Variants in DST observed in about 807,000 individuals in gnomAD.
The protein encoded by DST is dystonin, also known as bullous pemphigoid antigen.
Under a neutral mutation model 875.2 loss-of-function variants are expected in DST, and 253 were observed. The ratio of observed to expected loss-of-function variants is 0.29; its 90% CI spans 0.26 to 0.32. The LOEUF (loss-of-function observed/expected upper bound fraction) is 0.32. Ranked by LOEUF, DST falls within the 10% of genes least tolerant of loss-of-function variation. The probability of loss-of-function intolerance (pLI) is 1.00; values close to 1 mark genes in which losing one functional copy is unlikely to be tolerated. For synonymous variants in DST, 3,124 were observed against 3,197.1 expected, an observed-to-expected ratio of 0.98 and a Z score of 0.77; for missense variants, 8,287 against 9,111.6, an observed-to-expected ratio of 0.91 and a Z score of 3.68.
chr6:56,694,335 T>C (rs1281022962), intron 9 of DST, among the ~76,000 whole-genome samples: 2 of 152,052 alleles, frequency 1.3e-5, no homozygotes, highest in African/African-American at 4.8e-5. Flanking sequence ...GATCAAAAGA[T>C]GGAACTCATT....
chr6:56,598,506 CACA>C lies in DST; in HGVS notation c.11895_11897del (p.Val3966del). 2 of 1,582,704 alleles carry C rather than the reference CACA, an allele frequency of 1.3e-6. No homozygotes were observed. Among genetic ancestry groups the C allele is most frequent in the Non-Finnish European group, 1.7e-6 (2 of 1,164,168 alleles). ...CAGTTTCTTCCTTGATTGCTGTTGT[CACA>C]ACTTTATCCAGCTCCTTTTTAGACT... On this transcript the variant is annotated inframe_deletion, in exon 46 of 104. Coordinates refer to ENST00000680361, the MANE Select transcript of DST (RefSeq NM_001374736.1).
At position 56,642,213 on chromosome 6, in the gene DST, C is replaced by T; in HGVS notation, c.1873-112G>A. On this transcript the variant is annotated intron_variant, in intron 16 of 103. Coordinates refer to ENST00000680361, the MANE Select transcript of DST (RefSeq NM_001374736.1). ...GCCTACTTGGGCTTTCTTTAGTTTT[C>T]CTTGTTGGTTCAAAAATATGTTTTC... 1.1e-5 allele frequency: 11 copies of T among 987,002 alleles called. No homozygotes were observed. In the South Asian group the frequency reaches 1.4e-4, roughly 13 times the overall value. 61.1% of individuals were successfully genotyped at this position (987,002 alleles called of 1,614,324 possible).
chr6:56,926,890 C>G (rs1807463031), intron 2 of DST, among the ~76,000 whole-genome samples: 2 of 152,098 alleles, frequency 1.3e-5, no homozygotes, highest in Admixed American at 6.6e-5. Flanking sequence ...GCACCAGGAC[C>G]CAAGATTCTG....
At chr6:56,547,122 G>A (rs1394757207) in intron 61 of DST, among the ~76,000 whole-genome samples, 3 of 152,194 alleles carry the variant, frequency 2.0e-5, no homozygotes, top group African/African-American at 7.2e-5. Context: ...ATGTTGCAAA[G>A]TTCCCTTTTG....
intron 36 of DST, chr6:56,615,292 A>G: frequency 1.5e-6 from 2 of 1,346,464 alleles, no homozygotes; most frequent in South Asian, 3.5e-5. Context: ...AGTTTCAAAA[A>G]ACCATTCTCA....
chr6:56,787,001 T>C (rs2099706768), intron 4 of DST, among the ~76,000 whole-genome samples: 1 of 152,228 alleles, frequency 6.6e-6, no homozygotes, highest in Non-Finnish European at 1.5e-5. Flanking sequence ...ATTCACAGGA[T>C]TATTAGTCAC....
intron 4 of DST, among the ~76,000 whole-genome samples, chr6:56,820,257 AAC>A (rs2099771519): frequency 6.6e-6 from 1 of 152,234 alleles, no homozygotes; most frequent in Non-Finnish European, 1.5e-5. Flanking sequence ...ATTCACAGAA[AAC>A]ACTTATACTA....
At chr6:56,850,244 G>C (rs984447844) in intron 4 of DST, among the ~76,000 whole-genome samples, 3 of 152,138 alleles carry the variant, frequency 2.0e-5, no homozygotes, top group South Asian at 2.1e-4. Flanking sequence ...ACCCTGACTA[G>C]AGAATGGCTG....
intron 27 of DST, among the ~76,000 whole-genome samples, chr6:56,633,329 C>A (rs1477102772): frequency 1.3e-5 from 2 of 149,348 alleles, no homozygotes; most frequent in Non-Finnish European, 3.0e-5. Flanking sequence ...CGGGTTCACG[C>A]CATTCTCCTG....
At chr6:56,611,463 A>G in intron 38 of DST, 45 bp downstream of exon 38, 1 of 1,374,414 alleles carries the variant, frequency 7.3e-7, no homozygotes, top group South Asian at 1.2e-5. Context: ...GCTTTTAAGA[A>G]TACTTCCCCA....
At chr6:56,492,681 CA>C (rs2095790721) in intron 84 of DST, among the ~76,000 whole-genome samples, 1 of 152,016 alleles carries the variant, frequency 6.6e-6, no homozygotes, top group African/African-American at 2.4e-5. Context: ...ACTAGCCTGG[CA>C]AACATGCTGA....
intron 65 of DST, 47 bp downstream of exon 65, chr6:56,529,927 C>A (rs768154819): frequency 1.3e-6 from 2 of 1,599,680 alleles, no homozygotes; most frequent in Admixed American, 1.7e-5. Flanking sequence ...TGTCACAAAA[C>A]CACACAATAA....
chr6:56,484,797 C>T (rs1362422810), intron 88 of DST: 1 of 152,706 alleles, frequency 6.5e-6, no homozygotes, highest in African/African-American at 2.4e-5. Flanking sequence ...AATCAAATCC[C>T]TTATAGCATA....
intron 4 of DST, among the ~76,000 whole-genome samples, chr6:56,833,967 C>T (rs1490370541): frequency 3.3e-5 from 5 of 151,466 alleles, no homozygotes; most frequent in African/African-American, 1.2e-4. Context: ...TGGCTCATAC[C>T]TGTAAATCCC....
At chr6:56,812,109 AAAAAG>A (rs745473203) in intron 4 of DST, among the ~76,000 whole-genome samples, 1,694 of 111,764 alleles carry the variant, frequency 0.015, 28 homozygotes, top group African/African-American at 0.039. Context: ...CTCAAAAAAA[AAAAAG>A]AAAAGAAAAG....
At chr6:56,534,486 C>T (rs77182286) in intron 63 of DST, among the ~76,000 whole-genome samples, 2,400 of 152,194 alleles carry the variant, frequency 0.016, 20 homozygotes, top group Non-Finnish European at 0.021. Context: ...CAAATTGGCC[C>T]CACTTTAGTA....
At chr6:56,642,567 G>A (rs575046664) in intron 15 of DST, 64 bp from the exon 16 acceptor site, 3 of 1,610,238 alleles carry the variant, frequency 1.9e-6, no homozygotes, top group Non-Finnish European at 1.7e-6. Context: ...CACCATTCCT[G>A]AAAAGTGCTG....
At chr6:56,574,848 T>G (rs1210705677) in intron 50 of DST, among the ~76,000 whole-genome samples, 2 of 152,218 alleles carry the variant, frequency 1.3e-5, no homozygotes, top group Non-Finnish European at 2.9e-5. Context: ...TATTTCTGAA[T>G]GCTTTAGTCT....
rs1296944826 is a variant in DST, at chr6:56,603,386, A to G, written c.10976T>C (p.Ile3659Thr). Reference protein sequence around the residue: ...FELGLAPIAVILRKDMKLAEE... With the variant: ...FELGLAPIAVTLRKDMKLAEE... The stretch of plus-strand genomic sequence containing the variant: ...TGCCAACTTCATATCTTTTCTTAAA[A>G]TAACAGCAATTGGAGCTAATCCCAA... The change falls in exon 42 of 104, where the codon ATT (isoleucine) becomes ACT (threonine). Residue 3659 changes from isoleucine (I) to threonine (T), a missense_variant. Transcript: ENST00000680361. The G allele has an allele frequency of 1.9e-6, 3 of 1,610,886 alleles. No individual in the cohort carries two copies. The highest frequency in any genetic ancestry group is 3.3e-5 in the Admixed American group (2 of 59,804).
Sources: gnomAD v4.1 joint callset for allele counts (sites outside exome capture counted in the v4.1 genomes callset) on GRCh38, gnomAD v4.1.1 for gene constraint, MANE v1.5 for transcripts, NCBI Gene and HGNC (gene_info 2026-07-23, HGNC 2026-07-21) for gene names.